FAM118B: variants seen among roughly 807,000 people sequenced by gnomAD.
FAM118B encodes the protein protein FAM118B.
Under a neutral mutation model 38.5 loss-of-function variants are expected in FAM118B, and 24 were observed. The observed-to-expected ratio is 0.62, with a 90% CI of 0.45 to 0.88. The LOEUF is 0.88. Among genes scored for constraint, FAM118B ranks in the 40% least tolerant of loss-of-function variants. The probability of loss-of-function intolerance (pLI) is 0.00; values close to 1 mark genes in which losing one functional copy is unlikely to be tolerated. For synonymous variants in FAM118B, 138 were observed against 156.3 expected (o/e 0.88, Z 0.87); for missense variants, 334 against 420.0 (o/e 0.80, Z 1.79).
In FAM118B at chr11:126,244,348, C is replaced by T. The variant is rs1310120747; in HGVS notation, c.339+3304C>T. On this transcript the variant is annotated intron_variant, in intron 4 of 8. Transcript: ENST00000533050. The surrounding 1 kb of genome is among the most constrained non-coding windows in gnomAD (Gnocchi z 4.5). ...AGTCTATAGAAGATCCTAGGTTATC[C>T]TCTATTAGAACTAACAAGCTTAGCA... Among the ~76,000 whole-genome samples, 1 of 152,172 alleles carries T rather than the reference C, an allele frequency of 6.6e-6. No homozygotes were observed. Among genetic ancestry groups the T allele is most frequent in the African/African-American group, 2.4e-5 (1 of 41,448 alleles).
chr11:126,252,939 G>T lies in FAM118B; in HGVS notation c.568-1366G>T, dbSNP rs1459204851. Among the ~76,000 whole-genome samples the T allele has an allele frequency of 6.6e-6, 1 of 152,194 alleles. No homozygotes were observed. Among genetic ancestry groups the T allele is most frequent in the Non-Finnish European group, 1.5e-5 (1 of 68,034 alleles). On this transcript the variant is annotated intron_variant, in intron 5 of 8. Coordinates refer to ENST00000533050, the MANE Select transcript of FAM118B (RefSeq NM_024556.4). This position sits in a 1 kb window ranked among gnomAD's most constrained non-coding sequence, Gnocchi z 4.7. The stretch of plus-strand genomic sequence containing the variant: ...AATCCCAGTTACTTGGGAGGCTGAG[G>T]CAGGAGAATCATTTGAACCCAGGAG...
At chr11:126,220,158 A>T (rs1023865422) in intron 1 of FAM118B, among the ~76,000 whole-genome samples, 4 of 152,082 alleles carry the variant, frequency 2.6e-5, no homozygotes, top group Non-Finnish European at 4.4e-5. Context: ...CTTTCTGCAT[A>T]TTTCCTGCAG....
intron 3 of FAM118B, among the ~76,000 whole-genome samples, chr11:126,238,907 T>C (rs1950317931): frequency 1.3e-5 from 2 of 152,152 alleles, no homozygotes; most frequent in South Asian, 4.1e-4. Context: ...TAACTATTAT[T>C]TGGTGGTTTA....
intron 1 of FAM118B, among the ~76,000 whole-genome samples, chr11:126,220,119 C>G (rs1367357008): frequency 6.6e-6 from 1 of 152,154 alleles, no homozygotes; most frequent in African/African-American, 2.4e-5. Context: ...GTTAGCTCCA[C>G]GTTGGAGGAA....
At chr11:126,262,020 G>A in intron 8 of FAM118B, 100 bp from the exon 9 acceptor site, 1 of 1,083,288 alleles carries the variant, frequency 9.2e-7, no homozygotes. Context: ...CTCCTGTCTT[G>A]CCTTCTGAAG....
intron 1 of FAM118B, among the ~76,000 whole-genome samples, chr11:126,226,428 G>T (rs1206273230): frequency 3.9e-5 from 2 of 51,722 alleles, no homozygotes; most frequent in Non-Finnish European, 8.8e-5. Context: ...TGTGAGTTAG[G>T]CAGGCCAGAA....
intron 4 of FAM118B, among the ~76,000 whole-genome samples, chr11:126,242,075 A>C (rs1247040589): frequency 6.6e-6 from 1 of 151,864 alleles, no homozygotes; most frequent in Admixed American, 6.6e-5. Flanking sequence ...AGTTCATGGA[A>C]TCTCCATACA....
In FAM118B at chr11:126,252,796, T is replaced by G. The variant is rs943886734; in HGVS notation, c.568-1509T>G. The stretch of plus-strand genomic sequence containing the variant: ...ACGTCTGTAATCCCAGCATTTTGGG[T>G]GGCCGAGGTGGGTGGATCACTTGAG... On this transcript the variant is annotated intron_variant, in intron 5 of 8. Transcript: ENST00000533050. The surrounding 1 kb of genome is among the most constrained non-coding windows in gnomAD (Gnocchi z 4.7). Among the ~76,000 whole-genome samples the G allele has an allele frequency of 6.6e-6, 1 of 152,052 alleles. No individual in the cohort carries two copies. Among genetic ancestry groups the G allele is most frequent in the African/African-American group, 2.4e-5 (1 of 41,394 alleles).
chr11:126,230,523 G>C (rs189601605), intron 2 of FAM118B, among the ~76,000 whole-genome samples: 90 of 152,242 alleles, frequency 5.9e-4, no homozygotes, highest in African/African-American at 2.1e-3. Flanking sequence ...TTTTTAAAAG[G>C]GGGTGGAGGA....
At chr11:126,261,622 C>G in intron 8 of FAM118B, 138 bp downstream of exon 8, 1 of 652,242 alleles carries the variant, frequency 1.5e-6, no homozygotes. Context: ...TGATTTTCCT[C>G]TCCTACCCAT....
rs542828581 is a variant in FAM118B, at chr11:126,244,860, G to A, written c.339+3816G>A. Among the ~76,000 whole-genome samples, 1 of 152,116 alleles carries A rather than the reference G, an allele frequency of 6.6e-6. No homozygotes were observed. Among genetic ancestry groups the A allele is most frequent in the South Asian group, 2.1e-4 (1 of 4,818 alleles). ...CTTTGAAAACTACAAAACACTGAAA[G>A]AAATGAAAGAAGATCTAAATAAATG... On this transcript the variant is annotated intron_variant, in intron 4 of 8. Coordinates refer to ENST00000533050, the MANE Select transcript of FAM118B (RefSeq NM_024556.4). This position sits in a 1 kb window ranked among gnomAD's most constrained non-coding sequence, Gnocchi z 4.5.
At chr11:126,236,453 C>A (rs1310259207) in intron 3 of FAM118B, among the ~76,000 whole-genome samples, 1 of 152,076 alleles carries the variant, frequency 6.6e-6, no homozygotes, top group Non-Finnish European at 1.5e-5. Flanking sequence ...TGACCTCTTT[C>A]CCTGTTTTTT....
At chr11:126,218,172 G>A (rs1950005329) in intron 1 of FAM118B, among the ~76,000 whole-genome samples, 1 of 152,130 alleles carries the variant, frequency 6.6e-6, no homozygotes, top group African/African-American at 2.4e-5. Context: ...ATCCATTCTT[G>A]TTATGTGGAT....
chr11:126,238,870 G>GTA (rs1565332754), intron 3 of FAM118B, among the ~76,000 whole-genome samples: 2 of 150,394 alleles, frequency 1.3e-5, no homozygotes, highest in Non-Finnish European at 2.9e-5. Context: ...TACTTTTTAG[G>GTA]TATATATACC....
At chr11:126,241,331 A>T (rs905440178) in intron 4 of FAM118B, 1 of 277,968 alleles carries the variant, frequency 3.6e-6, no homozygotes, top group African/African-American at 2.2e-5. Context: ...TTTTTCCTGC[A>T]TCACTACTAT....
intron 1 of FAM118B, among the ~76,000 whole-genome samples, chr11:126,216,718 G>A (rs571214247): frequency 2.6e-5 from 4 of 152,304 alleles, no homozygotes; most frequent in Admixed American, 2.0e-4. Flanking sequence ...ATAAATGTGT[G>A]CAAAGTGAAA....
intron 1 of FAM118B, among the ~76,000 whole-genome samples, chr11:126,216,082 AAC>A (rs1298948437): frequency 6.6e-6 from 1 of 152,072 alleles, no homozygotes; most frequent in Admixed American, 6.6e-5. Context: ...GGAATTAAAA[AAC>A]AGTTTCTCAG....
Position 126,252,419 on chromosome 11 carries a change from A to G in FAM118B, c.567+1686A>G, listed in dbSNP as rs1458424372. ...ATACAACCCTCATGTCTCAAATATG[A>G]CAGTTAGGTGCTTGGTAAATATTTT... is the stretch of plus-strand genomic sequence containing the variant. On this transcript the variant is annotated intron_variant, in intron 5 of 8. Coordinates refer to ENST00000533050, the MANE Select transcript of FAM118B (RefSeq NM_024556.4). The surrounding 1 kb of genome is among the most constrained non-coding windows in gnomAD (Gnocchi z 4.7). Among the ~76,000 whole-genome samples, 1 of 152,174 alleles carries G rather than the reference A, an allele frequency of 6.6e-6. No individual in the cohort carries two copies. The highest frequency in any genetic ancestry group is 1.5e-5 in the Non-Finnish European group (1 of 68,034).
chr11:126,221,072 A>C (rs1186613868), intron 1 of FAM118B, among the ~76,000 whole-genome samples: 4 of 152,272 alleles, frequency 2.6e-5, no homozygotes, highest in African/African-American at 9.6e-5. Flanking sequence ...CTGTAATCCC[A>C]GCTACTTGGG....
Sources: allele counts gnomAD v4.1 joint callset (sites outside exome capture counted in the v4.1 genomes callset), GRCh38; gene constraint gnomAD v4.1.1; non-coding constraint Gnocchi (gnomAD v3.1); transcripts MANE v1.5; gene names NCBI Gene and HGNC (gene_info 2026-07-23, HGNC 2026-07-21).